The following ANTXR2 variants were observed in gnomAD, a reference collection of about 807,000 sequenced individuals.
ANTXR2 encodes the protein ANTXR cell adhesion molecule 2.
A neutral mutation model predicts 73.7 loss-of-function variants in ANTXR2; 44 were observed. The ratio of observed to expected loss-of-function variants is 0.60; its 90% CI spans 0.47 to 0.77. ANTXR2 has a LOEUF of 0.77. Among genes scored for constraint, ANTXR2 ranks in the 30% least tolerant of loss-of-function variants. The pLI is 0.00. For synonymous variants in ANTXR2, 217 were observed against 205.9 expected, an observed-to-expected ratio of 1.05 and a Z score of -0.46; for missense variants, 604 against 592.5, an observed-to-expected ratio of 1.02 and a Z score of -0.20.
rs1277907613 is a variant in ANTXR2, at chr4:79,904,874, AG to A, written c.*2554del. ...CATTTTAATCTTTTTTTGGTGGAAA[AG>A]TATAGGGATTTTTGATCTGGTCTTT... On this transcript the variant is annotated 3_prime_UTR_variant, in exon 17 of 17. Transcript: ENST00000403729. The A allele has an allele frequency of 6.6e-6, 1 of 152,128 alleles. No homozygotes were observed. The highest frequency in any genetic ancestry group is 2.4e-5 in the African/African-American group (1 of 41,448). The allele number at this position is 152,128 out of a possible 1,614,324, so 9.4% of individuals were successfully genotyped here. A position where few individuals can be genotyped will look rare whatever the true frequency, so the allele number is the denominator to read the frequency against.
Position 79,905,326 on chromosome 4 carries a change from T to A in ANTXR2, c.*2103A>T, listed in dbSNP as rs955427519. ...GCCCATTTAAGGAAGCCACATTAGGTCTTGTTCCAGATGCAAATGCAGAAC... is the reference window on the plus strand; with the variant it reads ...GCCCATTTAAGGAAGCCACATTAGGACTTGTTCCAGATGCAAATGCAGAAC... On this transcript the variant is annotated 3_prime_UTR_variant, in exon 17 of 17. Transcript: ENST00000403729. 1.3e-5 allele frequency: 2 copies of A among 152,210 alleles called. No individual in the cohort carries two copies. Among genetic ancestry groups the A allele is most frequent in the African/African-American group, 4.8e-5 (2 of 41,470 alleles). The allele number at this position is 152,210 out of a possible 1,614,324, so 9.4% of individuals were successfully genotyped here.
chr4:80,031,749 C>T lies in ANTXR2; in HGVS notation c.797-57G>A. 3.9e-6 allele frequency: 4 copies of T among 1,037,954 alleles called. No homozygotes were observed. In the South Asian group the frequency reaches 6.9e-5, roughly 18 times the overall value. The allele number at this position is 1,037,954 out of a possible 1,614,324, so 64.3% of individuals were successfully genotyped here. A position where few individuals can be genotyped will look rare whatever the true frequency, so the allele number is the denominator to read the frequency against. On this transcript the variant is annotated intron_variant, in intron 9 of 16. Transcript: ENST00000403729. ...GGGTTTTATGCATCTCACACAGTTT[C>T]ATTAATAATATGAACAGCATGCTTC...
intron 6 of ANTXR2, 43 bp downstream of exon 6, chr4:80,055,107 T>C: frequency 6.7e-7 from 1 of 1,491,100 alleles, no homozygotes; most frequent in Non-Finnish European, 9.1e-7. Flanking sequence ...CTTAAGACAA[T>C]TATGTGGTTC....
At chr4:79,937,173 C>T (rs1201079216) in intron 16 of ANTXR2, among the ~76,000 whole-genome samples, 1 of 152,030 alleles carries the variant, frequency 6.6e-6, no homozygotes, top group Non-Finnish European at 1.5e-5. Flanking sequence ...TCAACAGTAG[C>T]ATTAAAAAAA....
At chr4:79,975,895 TA>T (rs1178723732) in intron 16 of ANTXR2, among the ~76,000 whole-genome samples, 1 of 150,744 alleles carries the variant, frequency 6.6e-6, no homozygotes, top group Non-Finnish European at 1.5e-5. Context: ...ATTCCAGGAA[TA>T]AATTTTCTCA....
intron 12 of ANTXR2, among the ~76,000 whole-genome samples, chr4:79,992,949 C>T (rs970175259): frequency 6.6e-6 from 1 of 152,016 alleles, no homozygotes. Flanking sequence ...CCCCACCTTC[C>T]TCTCTCCCTG....
chr4:80,054,306 C>G lies in ANTXR2; in HGVS notation c.602G>C (p.Gly201Ala). 6.3e-7 allele frequency: 1 copy of G among 1,596,140 alleles called. No individual in the cohort carries two copies. The highest frequency in any genetic ancestry group is 8.5e-7 in the Non-Finnish European group (1 of 1,171,636). ...TATTCCTTTAAGAGCCTGAAATCCA[C>G]CTTTGACAGGGAAAACTTGCTCCTT... ...DSKEQVFPVK[G>A]GFQALKGIIN... The change falls in exon 7 of 17, where the codon GGT becomes GCT. Residue 201 changes from glycine (G) to alanine (A), a missense_variant. Transcript: ENST00000403729.
chr4:79,989,088 G>A (rs11098977), intron 12 of ANTXR2, among the ~76,000 whole-genome samples: 3 of 151,644 alleles, frequency 2.0e-5, no homozygotes, highest in Admixed American at 1.3e-4. Flanking sequence ...CTAGAGGAAC[G>A]AGGAAAACAT....
chr4:79,927,061 G>GTA lies in ANTXR2; in HGVS notation c.1429-19596_1429-19595dup, dbSNP rs71220390. Reference sequence around the variant, plus strand: ...TGTATATATATGTGCGTGTGTGTGTGTATATATATATATATATGAATATTA... The same window carrying GTA: ...TGTATATATATGTGCGTGTGTGTGTGTATATATATATATATATATGAATATTA... On this transcript the variant is annotated intron_variant, in intron 16 of 16. Transcript: ENST00000403729. Among the ~76,000 whole-genome samples the GTA allele has an allele frequency of 7.5e-3, 1,091 of 144,752 alleles. 17 individuals are homozygous for GTA. Among genetic ancestry groups the GTA allele is most frequent in the Middle Eastern group, 0.025 (7 of 282 alleles). 95.0% of individuals were successfully genotyped at this position (144,752 alleles called of 152,430 possible).
rs778785325 is a variant in ANTXR2, at chr4:80,008,623, T to C, written c.946-7A>G. 3.1e-5 allele frequency: 49 copies of C among 1,581,948 alleles called. No individual in the cohort carries two copies. The highest frequency in any genetic ancestry group is 4.0e-5 in the Non-Finnish European group (47 of 1,167,358). ...TGGCTGCGATCCCGTTAGACTAAAG[T>C]AGGCAAAAAGCAAAAACAAAGCAGT... is the stretch of plus-strand genomic sequence containing the variant. On this transcript the variant is annotated splice_region_variant and splice_polypyrimidine_tract_variant and intron_variant, in intron 11 of 16. Coordinates refer to ENST00000403729, the MANE Select transcript of ANTXR2 (RefSeq NM_058172.6).
chr4:79,958,016 C>T (rs547832777), intron 16 of ANTXR2, among the ~76,000 whole-genome samples: 1 of 152,052 alleles, frequency 6.6e-6, no homozygotes, highest in East Asian at 1.9e-4. Flanking sequence ...TTTCCTATTG[C>T]CTGCAAATTA....
chr4:79,902,457 C>T lies in ANTXR2; in HGVS notation c.*4972G>A, dbSNP rs987297132. On this transcript the variant is annotated 3_prime_UTR_variant, in exon 17 of 17. Transcript: ENST00000403729. Reference sequence around the variant, plus strand: ...AAGAGGAGTTTAGTAATTTTTCTTTCTGTGGTATACAAAGTATCCCAATTA... The same window carrying T: ...AAGAGGAGTTTAGTAATTTTTCTTTTTGTGGTATACAAAGTATCCCAATTA... The T allele has an allele frequency of 1.3e-5, 2 of 152,028 alleles. No homozygotes were observed. Among genetic ancestry groups the T allele is most frequent in the Admixed American group, 6.6e-5 (1 of 15,240 alleles). 9.4% of individuals were successfully genotyped at this position (152,028 alleles called of 1,614,324 possible). A position where few individuals can be genotyped will look rare whatever the true frequency, so the allele number is the denominator to read the frequency against.
chr4:80,050,030 C>A (rs911342828), intron 7 of ANTXR2, among the ~76,000 whole-genome samples: 1 of 151,638 alleles, frequency 6.6e-6, no homozygotes, highest in Non-Finnish European at 1.5e-5. Context: ...AGTTCCATTG[C>A]GAAAGACAGA....
chr4:79,928,927 T>G (rs1276573725), intron 16 of ANTXR2, among the ~76,000 whole-genome samples: 1 of 152,192 alleles, frequency 6.6e-6, no homozygotes, highest in Non-Finnish European at 1.5e-5. Flanking sequence ...AAATTATATT[T>G]TAGAAACATC....
intron 9 of ANTXR2, among the ~76,000 whole-genome samples, chr4:80,032,841 CA>C (rs1732762231): frequency 6.6e-6 from 1 of 151,098 alleles, no homozygotes; most frequent in Non-Finnish European, 1.5e-5. Flanking sequence ...TTTTAAAAGT[CA>C]AAGGTAGGGA....
intron 14 of ANTXR2, among the ~76,000 whole-genome samples, chr4:79,979,157 G>A (rs1363863536): frequency 6.6e-6 from 1 of 152,120 alleles, no homozygotes; most frequent in African/African-American, 2.4e-5. Context: ...CAGAAATTAA[G>A]AGCAAATGAT....
Position 80,055,406 on chromosome 4 carries a change from G to A in ANTXR2, c.440C>T (p.Thr147Ile), listed in dbSNP as rs993131961. 1.2e-6 allele frequency: 2 copies of A among 1,611,240 alleles called. No homozygotes were observed. Among genetic ancestry groups the A allele is most frequent in the Non-Finnish European group, 1.7e-6 (2 of 1,178,386 alleles). Residue 147 changes from threonine (T) to isoleucine (I), a missense_variant, in exon 5 of 17, where the codon ACA (threonine) becomes ATA (isoleucine). Thr to Ile is a moderately conservative substitution (Grantham distance 89). Transcript: ENST00000403729. ...LKTSSIIIAL[T>I]DGKLDGLVPS... ...CACCAGACCGTCCAACTTGCCATCT[G>A]TCAGAGCAATTATGATACTGGAGGT...
At position 79,978,100 on chromosome 4, in the gene ANTXR2, A is replaced by C. The variant is rs1560929728; in HGVS notation, c.1254T>G (p.Ile418Met). ...TGATGGGTTCCTCTGTTTCTTCAGG[A>C]ATCTTCACCACAGCATTTTTGGCTT... ...LEKAKNAVVK[I>M]PEETEEPIRP... Residue 418 changes from isoleucine (I) to methionine (M), a missense_variant, in exon 15 of 17, where the codon ATT becomes ATG. By Grantham distance (10) the Ile-to-Met change is conservative. Transcript: ENST00000403729. 1 of 1,613,890 alleles carries C rather than the reference A, an allele frequency of 6.2e-7. No homozygotes were observed. Among genetic ancestry groups the C allele is most frequent in the Admixed American group, 1.7e-5 (1 of 60,018 alleles).
chr4:80,058,753 T>C (rs566024379), intron 3 of ANTXR2, among the ~76,000 whole-genome samples: 6 of 152,146 alleles, frequency 3.9e-5, no homozygotes, highest in East Asian at 3.9e-4. Context: ...GGTTATGTTA[T>C]AAAGATAAGT....
Sources: gnomAD v4.1 joint callset for allele counts (sites outside exome capture counted in the v4.1 genomes callset) on GRCh38, gnomAD v4.1.1 for gene constraint, MANE v1.5 for transcripts, NCBI Gene and HGNC (gene_info 2026-07-23, HGNC 2026-07-21) for gene names.